CHODL: variants seen among roughly 807,000 people sequenced by gnomAD.
CHODL encodes the protein chondrolectin.
CHODL carries 29 observed loss-of-function variants against 34.5 expected under a neutral mutation model. The observed-to-expected ratio is 0.84, with a 90% CI of 0.63 to 1.15. The LOEUF is 1.15. CHODL is among the 50% of genes most tolerant of loss of function. The pLI is 0.00. For synonymous variants in CHODL, 125 were observed against 116.1 expected (o/e 1.08, Z -0.49); for missense variants, 332 against 332.5 (o/e 1.00, Z 0.01).
At chr21:18,111,232 C>A (rs909684588) in intron 2 of CHODL, among the ~76,000 whole-genome samples, 2 of 152,168 alleles carry the variant, frequency 1.3e-5, no homozygotes. Context: ...ACAACTCAGA[C>A]AGATCTTTTC....
chr21:18,127,700 T>TTTTA (rs2072592063), intron 2 of CHODL, among the ~76,000 whole-genome samples: 1 of 140,176 alleles, frequency 7.1e-6, no homozygotes, highest in Non-Finnish European at 1.5e-5. Context: ...TTTTTTTTTT[T>TTTTA]TAGCTTAAAA....
chr21:17,942,138 A>G (rs1026821929), intron 1 of CHODL, among the ~76,000 whole-genome samples: 1 of 152,228 alleles, frequency 6.6e-6, no homozygotes, highest in Non-Finnish European at 1.5e-5. Context: ...AGTGTAAAAA[A>G]CAAGCAAAGA....
chr21:17,993,784 A>G (rs933222618), intron 1 of CHODL, among the ~76,000 whole-genome samples: 3 of 152,200 alleles, frequency 2.0e-5, no homozygotes, highest in Non-Finnish European at 2.9e-5. Context: ...GTCTTTGAAT[A>G]ATCTCCACAC....
At chr21:18,101,787 TA>T (rs144193490) in intron 2 of CHODL, among the ~76,000 whole-genome samples, 1,911 of 152,036 alleles carry the variant, frequency 0.013, 35 homozygotes, top group African/African-American at 0.042. Flanking sequence ...TAAAGAGCAT[TA>T]ATGAAATTAC....
intron 1 of CHODL, among the ~76,000 whole-genome samples, chr21:18,003,687 G>A (rs2063932940): frequency 6.6e-6 from 1 of 151,956 alleles, no homozygotes; most frequent in Non-Finnish European, 1.5e-5. Flanking sequence ...GTTTCTTTCT[G>A]TCTGTCTCTC....
intron 1 of CHODL, among the ~76,000 whole-genome samples, chr21:17,998,241 A>G (rs1294379126): frequency 6.6e-6 from 1 of 152,248 alleles, no homozygotes; most frequent in East Asian, 1.9e-4. Context: ...TCTCACACCC[A>G]GGTCATGCTG....
intron 1 of CHODL, among the ~76,000 whole-genome samples, chr21:17,966,299 A>G (rs941471599): frequency 2.0e-5 from 3 of 152,248 alleles, no homozygotes; most frequent in Non-Finnish European, 4.4e-5. Context: ...TATTTCCCAG[A>G]TGAAGAATTC....
intron 1 of CHODL, among the ~76,000 whole-genome samples, chr21:17,954,038 A>G (rs903904558): frequency 6.6e-6 from 1 of 152,178 alleles, no homozygotes; most frequent in Non-Finnish European, 1.5e-5. Flanking sequence ...AAATAAATGT[A>G]TAAATGTAAA....
chr21:18,154,140 A>G (rs2073004146), intron 2 of CHODL, among the ~76,000 whole-genome samples: 1 of 152,204 alleles, frequency 6.6e-6, no homozygotes, highest in African/African-American at 2.4e-5. Flanking sequence ...AATTGCACAT[A>G]ATTTTATTCG....
chr21:17,931,359 C>T (rs1419443947), intron 1 of CHODL, among the ~76,000 whole-genome samples: 1 of 152,180 alleles, frequency 6.6e-6, no homozygotes, highest in Non-Finnish European at 1.5e-5. Flanking sequence ...AGCTAAAGGA[C>T]GCTACTCAAC....
intron 1 of CHODL, among the ~76,000 whole-genome samples, chr21:18,001,915 A>G (rs17002272): frequency 3.7e-3 from 559 of 151,958 alleles, no homozygotes; most frequent in African/African-American, 0.013. Context: ...TCTATTTTCC[A>G]TGTGTAGAAT....
chr21:18,093,173 A>G (rs1272411070), intron 2 of CHODL, among the ~76,000 whole-genome samples: 8 of 152,274 alleles, frequency 5.3e-5, no homozygotes, highest in African/African-American at 1.9e-4. Flanking sequence ...GCCAGGAGAG[A>G]GTGGCATGAC....
At chr21:18,080,367 G>C (rs918764962) in intron 2 of CHODL, among the ~76,000 whole-genome samples, 1 of 152,000 alleles carries the variant, frequency 6.6e-6, no homozygotes, top group African/African-American at 2.4e-5. Flanking sequence ...CATTTTTGTA[G>C]CATTTGTTTT....
chr21:18,089,828 A>T (rs2065050859), intron 2 of CHODL, among the ~76,000 whole-genome samples: 1 of 152,218 alleles, frequency 6.6e-6, no homozygotes, highest in Non-Finnish European at 1.5e-5. Flanking sequence ...TAGAAATGAG[A>T]TAGATGAGTT....
At chr21:18,236,418 T>C (rs1205485899) in intron 2 of CHODL, among the ~76,000 whole-genome samples, 2 of 152,102 alleles carry the variant, frequency 1.3e-5, no homozygotes, top group Admixed American at 6.6e-5. Context: ...TGATTACTTT[T>C]TGTAGCTTTT....
At chr21:18,133,673 C>G (rs953864842) in intron 2 of CHODL, among the ~76,000 whole-genome samples, 2 of 152,138 alleles carry the variant, frequency 1.3e-5, no homozygotes, top group African/African-American at 4.8e-5. Flanking sequence ...GTATAGCCCC[C>G]TTTAGAAGGT....
intron 2 of CHODL, among the ~76,000 whole-genome samples, chr21:18,080,437 T>C (rs2064928600): frequency 6.6e-6 from 1 of 152,194 alleles, no homozygotes; most frequent in Admixed American, 6.5e-5. Context: ...CTTCCCAGAT[T>C]TTCTTCAAGG....
chr21:18,232,549 C>T, intron 2 of CHODL, among the ~76,000 whole-genome samples: 1 of 146,362 alleles, frequency 6.8e-6, no homozygotes, highest in Non-Finnish European at 1.5e-5. Flanking sequence ...TAATCATCTT[C>T]CAAAGTCCCC....
At chr21:18,067,306 T>G (rs1007497671) in intron 2 of CHODL, among the ~76,000 whole-genome samples, 1 of 152,222 alleles carries the variant, frequency 6.6e-6, no homozygotes, top group African/African-American at 2.4e-5. Flanking sequence ...ATAGGATCAT[T>G]GCAGATGTAG....
Sources: allele counts gnomAD v4.1 joint callset (sites outside exome capture counted in the v4.1 genomes callset), GRCh38; gene constraint gnomAD v4.1.1; transcripts MANE v1.5; gene names NCBI Gene and HGNC (gene_info 2026-07-23, HGNC 2026-07-21).